Variants in MAP4K1 observed in about 807,000 individuals in gnomAD.
The protein encoded by MAP4K1 is MAPK/ERK kinase kinase kinase 1.
A neutral mutation model predicts 122.8 loss-of-function variants in MAP4K1; 35 were observed. The ratio of observed to expected loss-of-function variants is 0.29; its 90% CI spans 0.22 to 0.38. The LOEUF (loss-of-function observed/expected upper bound fraction) is 0.38. MAP4K1 is among the 10% of genes least tolerant of loss of function. The probability of loss-of-function intolerance (pLI) is 1.00; values close to 1 mark genes in which losing one functional copy is unlikely to be tolerated. For missense variants in MAP4K1, 791 were observed against 1,072.6 expected, an observed-to-expected ratio of 0.74 and a Z score of 3.67; for synonymous variants, 412 against 421.3, an observed-to-expected ratio of 0.98 and a Z score of 0.27.
intron 11 of MAP4K1, 28 bp downstream of exon 11, chr19:38,611,023 C>G: frequency 6.3e-7 from 1 of 1,587,764 alleles, no homozygotes; most frequent in Non-Finnish European, 8.6e-7. Flanking sequence ...GAATCCTAGG[C>G]TGAGGATCTT....
rs1403060118 is a variant in MAP4K1 at position 38,596,501 on chromosome 19, G to A, written c.1942-15C>T. The A allele has an allele frequency of 1.3e-6, 2 of 1,526,084 alleles. No individual in the cohort carries two copies. The highest frequency in any genetic ancestry group is 4.7e-5 in the East Asian group (2 of 42,572). The allele number at this position is 1,526,084 out of a possible 1,614,324, so 94.5% of individuals were successfully genotyped here. On this transcript the variant is annotated splice_polypyrimidine_tract_variant and intron_variant, in intron 25 of 30. Transcript: ENST00000396857. ...AACAGCACCTGCTGCGGGCCGCACA[G>A]GGAGGGGCGGGCTAGGGGGTGGTTC...
Position 38,587,830 on chromosome 19 carries a change from G to A in MAP4K1, c.2397-13C>T, listed in dbSNP as rs1974569116. 6.2e-7 allele frequency: 1 copy of A among 1,603,956 alleles called. No homozygotes were observed. Among genetic ancestry groups the A allele is most frequent in the Non-Finnish European group, 8.5e-7 (1 of 1,170,754 alleles). On this transcript the variant is annotated splice_polypyrimidine_tract_variant and intron_variant, in intron 30 of 30. Transcript: ENST00000396857. The stretch of plus-strand genomic sequence containing the variant: ...CACCACTACAGGCCTGTGGAAGGAA[G>A]AGATAAGTCAGTTCATTTATTCATT...
At chr19:38,591,326 C>T (rs999585834) in intron 30 of MAP4K1, among the ~76,000 whole-genome samples, 4 of 151,574 alleles carry the variant, frequency 2.6e-5, no homozygotes, top group African/African-American at 7.3e-5. Context: ...GTCAAGAGTT[C>T]GAGACCAGCC....
chr19:38,609,565 G>T, intron 13 of MAP4K1, 31 bp downstream of exon 13: 1 of 1,598,482 alleles, frequency 6.3e-7, no homozygotes. Context: ...ATAGGGTCAG[G>T]TGTCCCCAAA....
At chr19:38,589,840 A>G (rs1974651790) in intron 30 of MAP4K1, among the ~76,000 whole-genome samples, 1 of 152,148 alleles carries the variant, frequency 6.6e-6, no homozygotes, top group South Asian at 2.1e-4. Context: ...GACCAGGCTA[A>G]GTAACATGGC....
intron 11 of MAP4K1, 66 bp from the exon 12 acceptor site, chr19:38,610,091 G>A: frequency 8.6e-7 from 1 of 1,158,598 alleles, no homozygotes; most frequent in Non-Finnish European, 1.3e-6. Flanking sequence ...GGTGTGGACA[G>A]AGAGGACTGG....
chr19:38,613,328 A>G (rs1324993730), intron 8 of MAP4K1, among the ~76,000 whole-genome samples: 1 of 148,526 alleles, frequency 6.7e-6, no homozygotes, highest in Non-Finnish European at 1.5e-5. Flanking sequence ...AAAGAACGAA[A>G]AAGAAAAAAA....
At chr19:38,588,069 T>G (rs1974581280) in intron 30 of MAP4K1, among the ~76,000 whole-genome samples, 1 of 152,030 alleles carries the variant, frequency 6.6e-6, no homozygotes, top group African/African-American at 2.4e-5. Flanking sequence ...CAGCCCAGAC[T>G]CCCCAGAGAA....
intron 30 of MAP4K1, among the ~76,000 whole-genome samples, chr19:38,590,675 A>G (rs934414461): frequency 6.6e-6 from 1 of 151,432 alleles, no homozygotes; most frequent in Non-Finnish European, 1.5e-5. Context: ...GGGTTTCTCC[A>G]TGTTGGCCAG....
Position 38,597,016 on chromosome 19 carries a change from C to T in MAP4K1, c.1941+18G>A. 1 of 1,612,554 alleles carries T rather than the reference C, an allele frequency of 6.2e-7. No homozygotes were observed. Among genetic ancestry groups the T allele is most frequent in the East Asian group, 2.2e-5 (1 of 44,874 alleles). On this transcript the variant is annotated intron_variant, in intron 25 of 30. Coordinates refer to ENST00000396857, the MANE Select transcript of MAP4K1 (RefSeq NM_001042600.3). This position sits in a 1 kb window ranked among gnomAD's most constrained non-coding sequence, Gnocchi z 4.6. ...CACCCACTCCTCAGAGTTCCCAGCA[C>T]CCTCCCAAGCCCCTTACCCGGACAA... is the stretch of plus-strand genomic sequence containing the variant.
intron 8 of MAP4K1, among the ~76,000 whole-genome samples, chr19:38,613,422 G>A (rs984966823): frequency 2.6e-5 from 4 of 151,916 alleles, no homozygotes; most frequent in African/African-American, 7.3e-5. Context: ...CTACTTGGGA[G>A]GCTGAGGTGG....
rs1373031503 is a variant in MAP4K1 at position 38,617,027 on chromosome 19, C to T, written c.248+327G>A. The stretch of plus-strand genomic sequence containing the variant: ...CTTTCGGAGGCCGAGGCGAGTGGAT[C>T]ACAAGGTCAGGAGTTCAAGACCAGC... On this transcript the variant is annotated intron_variant, in intron 3 of 30. Transcript: ENST00000396857. The surrounding 1 kb of genome is among the most constrained non-coding windows in gnomAD (Gnocchi z 4.1). Among the ~76,000 whole-genome samples the T allele has an allele frequency of 2.0e-5, 3 of 152,048 alleles. No homozygotes were observed. The highest frequency in any genetic ancestry group is 6.6e-5 in the Admixed American group (1 of 15,246).
chr19:38,606,692 C>G (rs1975338388), intron 16 of MAP4K1, among the ~76,000 whole-genome samples: 1 of 151,880 alleles, frequency 6.6e-6, no homozygotes, highest in Non-Finnish European at 1.5e-5. Flanking sequence ...CCCCATCCTA[C>G]AAAAAAATGA....
At chr19:38,601,073 T>G (rs1399476438) in intron 20 of MAP4K1, among the ~76,000 whole-genome samples, 1 of 152,122 alleles carries the variant, frequency 6.6e-6, no homozygotes, top group African/African-American at 2.4e-5. Flanking sequence ...CCCAAAGTGC[T>G]GGGATTACAG....
intron 16 of MAP4K1, 136 bp downstream of exon 16, chr19:38,607,728 A>T: frequency 1.1e-6 from 1 of 934,424 alleles, no homozygotes; most frequent in Non-Finnish European, 1.6e-6. Context: ...GGGTCTAATC[A>T]GGGCTCAGGG....
At chr19:38,606,292 G>A (rs1975327768) in intron 16 of MAP4K1, 77 bp from the exon 17 acceptor site, 1 of 697,458 alleles carries the variant, frequency 1.4e-6, no homozygotes, top group Non-Finnish European at 2.4e-6. Flanking sequence ...GTTCTGGGCT[G>A]GAGGCCCGGG....
intron 22 of MAP4K1, 61 bp downstream of exon 22, chr19:38,599,864 C>T (rs946781914): frequency 1.3e-6 from 2 of 1,512,236 alleles, no homozygotes; most frequent in African/African-American, 2.8e-5. Context: ...TACTTCCCAG[C>T]CCCCGAACCC....
chr19:38,615,773 T>C (rs1975629820), intron 4 of MAP4K1, among the ~76,000 whole-genome samples: 1 of 152,132 alleles, frequency 6.6e-6, no homozygotes, highest in African/African-American at 2.4e-5. Context: ...TTCTCCTGCC[T>C]CAGCCTCCCG....
chr19:38,593,668 C>T (rs988357019), intron 29 of MAP4K1, among the ~76,000 whole-genome samples: 4 of 152,204 alleles, frequency 2.6e-5, no homozygotes, highest in Admixed American at 6.5e-5. Context: ...CGCCACTGGG[C>T]GTGCCACTGG....
Sources: allele counts gnomAD v4.1 joint callset (sites outside exome capture counted in the v4.1 genomes callset), GRCh38; gene constraint gnomAD v4.1.1; non-coding constraint Gnocchi (gnomAD v3.1); transcripts MANE v1.5; gene names NCBI Gene and HGNC (gene_info 2026-07-23, HGNC 2026-07-21).